KCNH1: variants seen among roughly 807,000 people sequenced by gnomAD.
KCNH1 encodes the protein potassium voltage-gated channel subfamily H member 1, also known as voltage-gated delayed rectifier potassium channel KCNH1.
A neutral mutation model predicts 69.2 loss-of-function variants in KCNH1; 27 were observed. The observed-to-expected ratio is 0.39, with a 90% CI of 0.29 to 0.54. The LOEUF is 0.54. Among genes scored for constraint, KCNH1 ranks in the 20% least tolerant of loss-of-function variants. The pLI, the probability that KCNH1 is intolerant of heterozygous loss-of-function variation, is 0.68. For missense variants in KCNH1, 798 were observed against 1,261.6 expected, an observed-to-expected ratio of 0.63 and a Z score of 5.57; for synonymous variants, 456 against 487.7, an observed-to-expected ratio of 0.93 and a Z score of 0.86.
intron 5 of KCNH1, among the ~76,000 whole-genome samples, chr1:211,027,792 T>C (rs1333814332): frequency 6.6e-6 from 1 of 151,496 alleles, no homozygotes; most frequent in Admixed American, 6.6e-5. Flanking sequence ...TCCTGATGTA[T>C]ATGTACCAAA....
intron 9 of KCNH1, among the ~76,000 whole-genome samples, chr1:210,795,536 A>G (rs1180450961): frequency 6.6e-6 from 1 of 152,182 alleles, no homozygotes; most frequent in African/African-American, 2.4e-5. Flanking sequence ...AACCTAAGCC[A>G]AATGTAATCA....
Position 210,683,202 on chromosome 1 carries a change from T to C in KCNH1, c.*79A>G. The C allele has an allele frequency of 2.9e-6, 4 of 1,366,338 alleles. No individual in the cohort carries two copies. In the South Asian group the frequency reaches 4.2e-5, roughly 14 times the overall value. 84.6% of individuals were successfully genotyped at this position (1,366,338 alleles called of 1,614,324 possible). On this transcript the variant is annotated 3_prime_UTR_variant, in exon 11 of 11. Coordinates refer to ENST00000271751, the MANE Select transcript of KCNH1 (RefSeq NM_172362.3). The surrounding 1 kb of genome is among the most constrained non-coding windows in gnomAD (Gnocchi z 5.7). ...AAGCCTACTTGAAAATTGTTGGTCA[T>C]GTGGACATATGTGGTAGGGGTGGTG...
At chr1:210,701,644 T>G (rs754933324) in intron 10 of KCNH1, among the ~76,000 whole-genome samples, 2 of 152,186 alleles carry the variant, frequency 1.3e-5, no homozygotes, top group Non-Finnish European at 2.9e-5. Context: ...CATCTTTTTT[T>G]TTATTTGCCT....
At chr1:211,036,355 A>G (rs1276355239) in intron 5 of KCNH1, among the ~76,000 whole-genome samples, 6 of 152,210 alleles carry the variant, frequency 3.9e-5, no homozygotes, top group Admixed American at 3.9e-4. Flanking sequence ...AAAAGGACTC[A>G]GATAGGACAA....
intron 7 of KCNH1, among the ~76,000 whole-genome samples, chr1:210,907,739 G>T (rs1021643857): frequency 6.6e-6 from 1 of 152,122 alleles, no homozygotes; most frequent in Non-Finnish European, 1.5e-5. Context: ...CATCCCAGTG[G>T]GGGTGGGGGT....
chr1:211,026,376 CAA>C (rs34132386), intron 5 of KCNH1, among the ~76,000 whole-genome samples: 25 of 72,688 alleles, frequency 3.4e-4, no homozygotes, highest in South Asian at 9.8e-4. Flanking sequence ...GGAGTATAGA[CAA>C]AAAAAAAAAA....
intron 6 of KCNH1, among the ~76,000 whole-genome samples, chr1:210,958,011 A>G (rs1369430863): frequency 3.9e-5 from 6 of 152,238 alleles, no homozygotes; most frequent in Admixed American, 2.6e-4. Flanking sequence ...CATAGCATCA[A>G]TGATCTTTAC....
intron 7 of KCNH1, among the ~76,000 whole-genome samples, chr1:210,843,508 G>C (rs1685470487): frequency 6.6e-6 from 1 of 152,128 alleles, no homozygotes; most frequent in Non-Finnish European, 1.5e-5. Flanking sequence ...TATCACTAGG[G>C]TTTTGGGTTG....
intron 3 of KCNH1, among the ~76,000 whole-genome samples, chr1:211,102,630 ATCCCAGCCCC>A (rs759887631): frequency 6.6e-6 from 1 of 152,182 alleles, no homozygotes; most frequent in Non-Finnish European, 1.5e-5. Context: ...CTGAAAAAAA[ATCCCAGCCCC>A]TCCCAGATAA....
At chr1:211,005,549 T>C (rs996325849) in intron 6 of KCNH1, among the ~76,000 whole-genome samples, 6 of 152,104 alleles carry the variant, frequency 3.9e-5, no homozygotes, top group African/African-American at 1.2e-4. Context: ...GTCAACTGGA[T>C]ACCCATCTGA....
intron 6 of KCNH1, among the ~76,000 whole-genome samples, chr1:210,988,018 A>C (rs1328121232): frequency 6.6e-6 from 1 of 152,150 alleles, no homozygotes; most frequent in Non-Finnish European, 1.5e-5. Flanking sequence ...GACACCTTGC[A>C]GTTTGATCTC....
chr1:210,710,558 T>C (rs2149016893), intron 10 of KCNH1, among the ~76,000 whole-genome samples: 1 of 152,270 alleles, frequency 6.6e-6, no homozygotes, highest in Middle Eastern at 3.4e-3. Context: ...GTGACAGAAA[T>C]TTTTCAGCTC....
chr1:210,865,716 C>T (rs140396636), intron 7 of KCNH1, among the ~76,000 whole-genome samples: 10 of 152,306 alleles, frequency 6.6e-5, no homozygotes, highest in East Asian at 1.9e-4. Context: ...ACACCCCAAT[C>T]GCATTTTCCA....
At chr1:210,767,137 TTGGCTAGGCCAA>T (rs1345030540) in intron 10 of KCNH1, among the ~76,000 whole-genome samples, 24 of 152,306 alleles carry the variant, frequency 1.6e-4, no homozygotes, top group African/African-American at 5.1e-4. Flanking sequence ...AATGTAAAAT[TTGGCTAGGCCAA>T]AGAAAGAATG....
intron 7 of KCNH1, among the ~76,000 whole-genome samples, chr1:210,906,333 G>A (rs1023121443): frequency 3.2e-4 from 49 of 152,032 alleles, no homozygotes; most frequent in African/African-American, 8.9e-4. Flanking sequence ...ACACAGTGCC[G>A]GGGAGGGGAT....
At chr1:210,809,823 C>T (rs1684664904) in intron 7 of KCNH1, among the ~76,000 whole-genome samples, 1 of 152,046 alleles carries the variant, frequency 6.6e-6, no homozygotes, top group Non-Finnish European at 1.5e-5. Flanking sequence ...AGACTAAGGG[C>T]GTTTAGTGAG....
chr1:210,781,106 G>C (rs1683972119), intron 9 of KCNH1, among the ~76,000 whole-genome samples: 1 of 152,076 alleles, frequency 6.6e-6, no homozygotes, highest in Admixed American at 6.6e-5. Flanking sequence ...CCCTTATTTT[G>C]AATTATCTGT....
chr1:211,115,782 CCTGA>C (rs1248435800), intron 1 of KCNH1, among the ~76,000 whole-genome samples: 2 of 148,014 alleles, frequency 1.4e-5, no homozygotes, highest in Non-Finnish European at 3.0e-5. Context: ...TCTAGAGAAC[CCTGA>C]CTAATACACT....
At chr1:210,970,842 A>G (rs778128438) in intron 6 of KCNH1, among the ~76,000 whole-genome samples, 2 of 152,134 alleles carry the variant, frequency 1.3e-5, no homozygotes, top group Non-Finnish European at 2.9e-5. Context: ...TCATCAGAGA[A>G]AGCAGGCAAC....
Sources: gnomAD v4.1 joint callset for allele counts (sites outside exome capture counted in the v4.1 genomes callset) on GRCh38, gnomAD v4.1.1 for gene constraint, Gnocchi (gnomAD v3.1) non-coding constraint, MANE v1.5 for transcripts, NCBI Gene and HGNC (gene_info 2026-07-23, HGNC 2026-07-21) for gene names.